HOOK1: variants seen among roughly 807,000 people sequenced by gnomAD.
The protein encoded by HOOK1 is protein Hook homolog 1.
HOOK1 carries 60 observed loss-of-function variants against 112.8 expected under a neutral mutation model. That is an observed-to-expected ratio of 0.53 (90% CI 0.43 to 0.66). HOOK1 has a LOEUF of 0.66. HOOK1 is among the 30% of genes least tolerant of loss of function. HOOK1 has a pLI of 0.00. For missense variants in HOOK1, 770 were observed against 856.0 expected (o/e 0.90, Z 1.25); for synonymous variants, 294 against 283.8 (o/e 1.04, Z -0.36).
intron 6 of HOOK1, 109 bp downstream of exon 6, chr1:59,835,521 T>C: frequency 4.4e-6 from 3 of 682,824 alleles, no homozygotes; most frequent in Non-Finnish European, 7.6e-6. Flanking sequence ...GTTGTAAGTT[T>C]ACTTCCCCTT....
At chr1:59,870,862 T>A (rs1347906267) in intron 20 of HOOK1, 180 bp from the exon 21 acceptor site, 3 of 518,012 alleles carry the variant, frequency 5.8e-6, no homozygotes, top group African/African-American at 5.8e-5. Flanking sequence ...AACCTTATTC[T>A]TTCCTAAAGG....
chr1:59,830,425 C>T (rs2098393046), intron 3 of HOOK1, among the ~76,000 whole-genome samples: 1 of 151,890 alleles, frequency 6.6e-6, no homozygotes, highest in African/African-American at 2.4e-5. Flanking sequence ...TGAATGAATT[C>T]ACTTATTATG....
Position 59,858,462 on chromosome 1 carries a change from C to A in HOOK1, c.1277C>A (p.Thr426Lys), listed in dbSNP as rs1266586060. Residue 426 changes from threonine (T) to lysine (K), a missense_variant, in exon 13 of 22, where the codon ACA (threonine) becomes AAA (lysine). This residue lies in a region of HOOK1 where 655 missense variants were observed against 725.9 expected (regional missense o/e 0.90). Coordinates refer to ENST00000371208, the MANE Select transcript of HOOK1 (RefSeq NM_015888.6). ...LIEQRDTLKE[T>K]NEELRCSQVQ... ...GAGCAGCGTGATACTTTGAAAGAAA[C>A]AAATGAAGAGCTTCGATGTTCACAA... 1 of 1,613,036 alleles carries A rather than the reference C, an allele frequency of 6.2e-7. No homozygotes were observed. Among genetic ancestry groups the A allele is most frequent in the African/African-American group, 1.3e-5 (1 of 74,872 alleles).
At chr1:59,866,858 C>T (rs200231364) in intron 19 of HOOK1, among the ~76,000 whole-genome samples, 1 of 152,060 alleles carries the variant, frequency 6.6e-6, no homozygotes, top group Admixed American at 6.6e-5. Flanking sequence ...TTTTTTGCTC[C>T]TATAAATAAG....
intron 15 of HOOK1, among the ~76,000 whole-genome samples, chr1:59,862,308 C>T (rs1436180875): frequency 1.3e-5 from 2 of 152,114 alleles, no homozygotes; most frequent in African/African-American, 2.4e-5. Context: ...GATTTTGCCA[C>T]ATTAGAATCT....
intron 3 of HOOK1, among the ~76,000 whole-genome samples, chr1:59,830,225 A>T (rs1230435250): frequency 1.3e-5 from 2 of 152,054 alleles, no homozygotes; most frequent in Non-Finnish European, 2.9e-5. Flanking sequence ...GGTATTTTCC[A>T]TATCTTTATT....
chr1:59,860,148 A>G (rs1215719692), intron 14 of HOOK1, 40 bp from the exon 15 acceptor site: 1 of 1,497,400 alleles, frequency 6.7e-7, no homozygotes, highest in Non-Finnish European at 8.9e-7. Context: ...AATGACTCAT[A>G]TTTTTAAAAA....
At chr1:59,868,866 C>G (rs1478851777) in intron 20 of HOOK1, among the ~76,000 whole-genome samples, 1 of 152,106 alleles carries the variant, frequency 6.6e-6, no homozygotes, top group African/African-American at 2.4e-5. Context: ...ATTAATCATG[C>G]AAAATTATAT....
intron 20 of HOOK1, among the ~76,000 whole-genome samples, chr1:59,869,011 G>GGAA (rs1644013670): frequency 6.6e-6 from 1 of 152,104 alleles, no homozygotes; most frequent in Non-Finnish European, 1.5e-5. Flanking sequence ...ATTTATAATT[G>GGAA]AGCACGTTCT....
intron 12 of HOOK1, among the ~76,000 whole-genome samples, chr1:59,852,511 T>C (rs1330003262): frequency 6.6e-6 from 1 of 151,560 alleles, no homozygotes; most frequent in Non-Finnish European, 1.5e-5. Context: ...TTATTTGTGA[T>C]TTTTGTAATT....
intron 8 of HOOK1, among the ~76,000 whole-genome samples, chr1:59,842,710 A>G (rs941631315): frequency 1.3e-4 from 20 of 152,156 alleles, no homozygotes; most frequent in Non-Finnish European, 2.5e-4. Context: ...TCATATGTAA[A>G]AGTTCTGGCC....
At chr1:59,823,174 G>A (rs1380754029) in intron 2 of HOOK1, among the ~76,000 whole-genome samples, 2 of 152,078 alleles carry the variant, frequency 1.3e-5, no homozygotes, top group East Asian at 1.9e-4. Context: ...CAAAAAATTA[G>A]CCAGGCATGG....
At chr1:59,843,389 T>G in intron 8 of HOOK1, 43 bp from the exon 9 acceptor site, 3 of 1,433,814 alleles carry the variant, frequency 2.1e-6, no homozygotes, top group Non-Finnish European at 2.9e-6. Context: ...TATTTTTTTG[T>G]TTTTTTTCTA....
Position 59,821,951 on chromosome 1 carries a change from G to A in HOOK1, c.149+8G>A, listed in dbSNP as rs2098386005. On this transcript the variant is annotated splice_region_variant and intron_variant, in intron 2 of 21. Coordinates refer to ENST00000371208, the MANE Select transcript of HOOK1 (RefSeq NM_015888.6). ...ACAAGTTCTTCATCAAATGTGAGTAGTGGTCAGACTCTCCCTGAAAAGCAT... is the reference window on the plus strand; with the variant it reads ...ACAAGTTCTTCATCAAATGTGAGTAATGGTCAGACTCTCCCTGAAAAGCAT... 6.2e-7 allele frequency: 1 copy of A among 1,602,462 alleles called. No homozygotes were observed. The highest frequency in any genetic ancestry group is 1.7e-5 in the Admixed American group (1 of 59,808).
chr1:59,860,336 G>T lies in HOOK1; in HGVS notation c.1532+8G>T, dbSNP rs2098412906. ...ACTGGAAACTGAGCAGAGGTGATAT[G>T]CTCCTTAGTAACTGAAAATCTTGGT... is the stretch of plus-strand genomic sequence containing the variant. On this transcript the variant is annotated splice_region_variant and intron_variant, in intron 15 of 21. Transcript: ENST00000371208. 1.3e-6 allele frequency: 2 copies of T among 1,552,912 alleles called. No homozygotes were observed. Among genetic ancestry groups the T allele is most frequent in the African/African-American group, 1.4e-5 (1 of 71,914 alleles).
intron 10 of HOOK1, 40 bp from the exon 11 acceptor site, chr1:59,848,275 C>A: frequency 7.2e-7 from 1 of 1,396,140 alleles, no homozygotes; most frequent in Non-Finnish European, 1.0e-6. Flanking sequence ...TGAGTATATA[C>A]TAGTTTTTGT....
chr1:59,831,513 G>A (rs1359510447), intron 3 of HOOK1, among the ~76,000 whole-genome samples: 3 of 152,172 alleles, frequency 2.0e-5, no homozygotes, highest in Non-Finnish European at 4.4e-5. Flanking sequence ...CTGGTATTTA[G>A]CCAAAGAGTC....
intron 1 of HOOK1, among the ~76,000 whole-genome samples, chr1:59,816,807 C>T (rs1271820618): frequency 6.6e-6 from 1 of 152,188 alleles, no homozygotes; most frequent in African/African-American, 2.4e-5. Context: ...TTTCTTCAGT[C>T]CTCTCTTGGG....
chr1:59,822,063 G>A, intron 2 of HOOK1, 120 bp downstream of exon 2: 1 of 754,666 alleles, frequency 1.3e-6, no homozygotes, highest in East Asian at 2.8e-5. Flanking sequence ...GACATATTCA[G>A]GAATATGGCA....
Sources: allele counts gnomAD v4.1 joint callset (sites outside exome capture counted in the v4.1 genomes callset), GRCh38; gene constraint gnomAD v4.1.1; regional missense constraint gnomAD v4.1.1; transcripts MANE v1.5; gene names NCBI Gene and HGNC (gene_info 2026-07-23, HGNC 2026-07-21).